The following MYO18B variants were observed in gnomAD, a reference collection of about 807,000 sequenced individuals.
MYO18B encodes the protein myosin XVIIIB.
MYO18B carries 204 observed loss-of-function variants against 273.0 expected under a neutral mutation model. The ratio of observed to expected loss-of-function variants is 0.75; its 90% CI spans 0.67 to 0.84. The LOEUF (loss-of-function observed/expected upper bound fraction) is 0.84, where lower values mean the gene tolerates loss of function less well. Ranked by LOEUF, MYO18B falls within the 40% of genes least tolerant of loss-of-function variation. The pLI, the probability that MYO18B is intolerant of heterozygous loss-of-function variation, is 0.00. For synonymous variants in MYO18B, 1,330 were observed against 1,305.7 expected, an observed-to-expected ratio of 1.02 and a Z score of -0.40; for missense variants, 3,212 against 3,287.6, an observed-to-expected ratio of 0.98 and a Z score of 0.56.
At chr22:25,835,234 A>G in intron 16 of MYO18B, 62 bp from the exon 17 acceptor site, 1 of 1,548,250 alleles carries the variant, frequency 6.5e-7, no homozygotes, top group Non-Finnish European at 8.7e-7. Context: ...TGGGAAGAGA[A>G]GCCCAAGACA....
At chr22:26,060,765 CAT>C in the MYO18B span, among the ~76,000 whole-genome samples, 2 of 148,676 alleles carry the variant, frequency 1.3e-5, no homozygotes, top group African/African-American at 5.2e-5. Flanking sequence ...TACATACAAA[CAT>C]GCATACATTT....
At chr22:25,780,799 G>C (rs929688975) in intron 9 of MYO18B, among the ~76,000 whole-genome samples, 57 of 152,152 alleles carry the variant, frequency 3.7e-4, no homozygotes, top group African/African-American at 1.3e-3. Context: ...TGAGCAAATA[G>C]AGAATTCAGG....
At chr22:25,894,772 G>C (rs557354850) in intron 27 of MYO18B, 1 of 158,618 alleles carries the variant, frequency 6.3e-6, no homozygotes, top group East Asian at 1.8e-4. Flanking sequence ...TCTGCTTGTA[G>C]GGAACTCTTC....
chr22:25,793,629 G>C (rs2087774943), intron 11 of MYO18B, among the ~76,000 whole-genome samples: 1 of 152,182 alleles, frequency 6.6e-6, no homozygotes, highest in Non-Finnish European at 1.5e-5. Context: ...GCAGAGTCTA[G>C]AGGGCGTCCA....
intron 12 of MYO18B, 75 bp from the exon 13 acceptor site, chr22:25,823,430 C>T (rs936931981): frequency 1.5e-5 from 22 of 1,469,996 alleles, no homozygotes; most frequent in Non-Finnish European, 1.9e-5. Flanking sequence ...TGAGATTCTC[C>T]GAGGTCCTCT....
chr22:25,772,925 A>T (rs934948033), intron 7 of MYO18B, among the ~76,000 whole-genome samples: 1 of 152,224 alleles, frequency 6.6e-6, no homozygotes, highest in African/African-American at 2.4e-5. Context: ...TCTCAGGTCT[A>T]GCGAGCAGAG....
In MYO18B at chr22:25,826,481, T is replaced by TG; in HGVS notation, c.2770dup (p.Val924GlyfsTer41). The stretch of plus-strand genomic sequence containing the variant: ...CTGTACCAGGAACTCTTTGCGGCTG[T>TG]GGTCTCACTCATCAACAGGTAACGG... On this transcript the variant is annotated frameshift_variant, in exon 14 of 44. Coordinates refer to ENST00000335473, the MANE Select transcript of MYO18B (RefSeq NM_032608.7). LOFTEE classifies it high-confidence loss of function. 6.2e-7 allele frequency: 1 copy of TG among 1,613,786 alleles called. No homozygotes were observed. The highest frequency in any genetic ancestry group is 8.5e-7 in the Non-Finnish European group (1 of 1,179,712).
the MYO18B span, among the ~76,000 whole-genome samples, chr22:26,061,158 C>T: frequency 6.6e-6 from 1 of 152,186 alleles, no homozygotes; most frequent in African/African-American, 2.4e-5. Context: ...GTCCTTTGAC[C>T]CTCCAGCCAG....
intron 25 of MYO18B, among the ~76,000 whole-genome samples, chr22:25,885,975 C>T (rs923770246): frequency 5.3e-5 from 8 of 152,216 alleles, no homozygotes; most frequent in Non-Finnish European, 4.4e-5. Context: ...GTATGAATTG[C>T]TGTCATGCAC....
intron 40 of MYO18B, among the ~76,000 whole-genome samples, chr22:26,001,276 C>T (rs527336651): frequency 6.6e-6 from 1 of 152,264 alleles, no homozygotes; most frequent in South Asian, 2.1e-4. Flanking sequence ...GAAAGACAAA[C>T]TCTAAATGAA....
intron 21 of MYO18B, 26 bp from the exon 22 acceptor site, chr22:25,868,294 T>A: frequency 1.3e-6 from 2 of 1,581,058 alleles, no homozygotes; most frequent in African/African-American, 2.7e-5. Flanking sequence ...CTATGCTGTC[T>A]AACTTCTCTC....
downstream of MYO18B, among the ~76,000 whole-genome samples, chr22:26,034,730 G>A (rs541110910): frequency 4.6e-5 from 7 of 152,276 alleles, no homozygotes; most frequent in African/African-American, 1.2e-4. Flanking sequence ...TTAACAGGGC[G>A]CCCATGTCTT....
chr22:26,058,749 C>T, the MYO18B span, among the ~76,000 whole-genome samples: 70 of 152,328 alleles, frequency 4.6e-4, 1 homozygote, highest in South Asian at 0.015. Flanking sequence ...CCTGCACATA[C>T]ACTCACCTTT....
chr22:26,012,923 A>C (rs1290465298), intron 42 of MYO18B, among the ~76,000 whole-genome samples: 1 of 152,200 alleles, frequency 6.6e-6, no homozygotes, highest in Non-Finnish European at 1.5e-5. Flanking sequence ...TAACAAAATC[A>C]AGACTGGACC....
Position 25,780,157 on chromosome 22 carries a change from G to A in MYO18B, c.2170G>A (p.Asp724Asn). The change falls in exon 9 of 44, where the codon GAC becomes AAC. Residue 724 changes from aspartate (D) to asparagine (N), a missense_variant. Physicochemically the swap from Asp to Asn is conservative, Grantham distance 23. Coordinates refer to ENST00000335473, the MANE Select transcript of MYO18B (RefSeq NM_032608.7). ...CCGGTTCTCCATGGTGATGTCGCTG[G>A]ACTTCAACGCTACAGGCCGCATCAC... ...ATRFSMVMSL[D>N]FNATGRITAA... 2 of 1,607,272 alleles carry A rather than the reference G, an allele frequency of 1.2e-6. No homozygotes were observed. The highest frequency in any genetic ancestry group is 2.2e-5 in the South Asian group (2 of 89,448).
At chr22:25,769,881 A>C (rs1028410557) in intron 4 of MYO18B, 4 of 482,960 alleles carry the variant, frequency 8.3e-6, no homozygotes, top group Non-Finnish European at 1.5e-5. Flanking sequence ...TTTGAGACGG[A>C]GTCTTGCTCT....
At chr22:26,053,732 A>T in the MYO18B span, among the ~76,000 whole-genome samples, 1 of 152,210 alleles carries the variant, frequency 6.6e-6, no homozygotes, top group African/African-American at 2.4e-5. Context: ...ACCCAGTGAC[A>T]TGGAGTTGAG....
chr22:25,895,431 A>G (rs1270947630), intron 28 of MYO18B, 151 bp downstream of exon 28: 15 of 853,370 alleles, frequency 1.8e-5, no homozygotes, highest in Non-Finnish European at 2.1e-5. Flanking sequence ...CTATTATTAC[A>G]AATGCTGGTC....
chr22:26,028,840 A>C lies in MYO18B; in HGVS notation c.*12+1150A>C, dbSNP rs576447536. Reference sequence around the variant, plus strand: ...GAGGCGGAGCTTGCAGTGAGCCGAGATCTCGCCACTGCACTCCAGCCTGGG... The same window carrying C: ...GAGGCGGAGCTTGCAGTGAGCCGAGCTCTCGCCACTGCACTCCAGCCTGGG... On this transcript the variant is annotated intron_variant, in intron 43 of 43. Transcript: ENST00000335473. Among the ~76,000 whole-genome samples the C allele has an allele frequency of 1.2e-4, 17 of 146,698 alleles. 1 individual carries two copies. The South Asian group carries it at 3.0e-3, about 26-fold the overall frequency.
Sources: gnomAD v4.1 joint callset for allele counts (sites outside exome capture counted in the v4.1 genomes callset) on GRCh38, gnomAD v4.1.1 for gene constraint, MANE v1.5 for transcripts, NCBI Gene and HGNC (gene_info 2026-07-23, HGNC 2026-07-21) for gene names.